TMEM161B: variants seen among roughly 807,000 people sequenced by gnomAD.
The protein encoded by TMEM161B is transmembrane protein 161B.
In TMEM161B, 34 loss-of-function variants were observed where a neutral mutation model predicts 61.8. The ratio of observed to expected loss-of-function variants is 0.55; its 90% CI spans 0.42 to 0.73. TMEM161B has a LOEUF of 0.73. TMEM161B is among the 30% of genes least tolerant of loss of function. TMEM161B has a pLI of 0.00. For synonymous variants in TMEM161B, 167 were observed against 192.8 expected, an observed-to-expected ratio of 0.87 and a Z score of 1.11; for missense variants, 456 against 558.5, an observed-to-expected ratio of 0.82 and a Z score of 1.85.
intron 2 of TMEM161B, among the ~76,000 whole-genome samples, chr5:88,235,881 T>C (rs1277676540): frequency 6.6e-6 from 1 of 152,230 alleles, no homozygotes; most frequent in African/African-American, 2.4e-5. Context: ...GTACACATTA[T>C]ATACACTTGT....
intron 1 of TMEM161B, among the ~76,000 whole-genome samples, chr5:88,254,236 G>C (rs1210724963): frequency 6.6e-6 from 1 of 152,152 alleles, no homozygotes; most frequent in Non-Finnish European, 1.5e-5. Flanking sequence ...AGGTCTCACA[G>C]TTTATATGAA....
chr5:88,250,977 T>A (rs1754268579), intron 1 of TMEM161B: 2 of 152,180 alleles, frequency 1.3e-5, no homozygotes, highest in African/African-American at 2.4e-5. Flanking sequence ...CAAGGCCAAC[T>A]ACATGGAAGA....
Position 88,195,168 on chromosome 5 carries a change from C to T in TMEM161B, c.*1043G>A, listed in dbSNP as rs1376554018. 3.0e-6 allele frequency: 3 copies of T among 985,170 alleles called. No homozygotes were observed. In the African/African-American group the frequency reaches 5.2e-5, roughly 17 times the overall value. 61.0% of individuals were successfully genotyped at this position (985,170 alleles called of 1,614,324 possible). A position where few individuals can be genotyped will look rare whatever the true frequency, so the allele number is the denominator to read the frequency against. On this transcript the variant is annotated 3_prime_UTR_variant, in exon 12 of 12. Coordinates refer to ENST00000296595, the MANE Select transcript of TMEM161B (RefSeq NM_153354.5). ...AAGCGTCCATAAAACTTTAAATACA[C>T]TCACACATAGGCAACACAAATAAAT...
At chr5:88,231,917 A>C (rs1474735919) in intron 2 of TMEM161B, among the ~76,000 whole-genome samples, 1 of 152,134 alleles carries the variant, frequency 6.6e-6, no homozygotes, top group East Asian at 1.9e-4. Context: ...TCATTGATTC[A>C]CTAACATTGA....
chr5:88,257,165 A>G (rs927299484), intron 1 of TMEM161B, among the ~76,000 whole-genome samples: 3 of 152,110 alleles, frequency 2.0e-5, no homozygotes, highest in African/African-American at 7.2e-5. Flanking sequence ...GCTACTTGGG[A>G]GGCTGAGGCA....
chr5:88,268,562 C>T (rs949397712), intron 1 of TMEM161B, among the ~76,000 whole-genome samples, 159 bp downstream of exon 1: 9 of 152,204 alleles, frequency 5.9e-5, no homozygotes, highest in Admixed American at 2.6e-4. Flanking sequence ...TCCTCAGGGG[C>T]TCAGACACCC....
intron 1 of TMEM161B, among the ~76,000 whole-genome samples, chr5:88,253,283 T>C (rs1378086594): frequency 6.6e-6 from 1 of 152,144 alleles, no homozygotes; most frequent in Non-Finnish European, 1.5e-5. Context: ...TCAAACACTT[T>C]AAGTGTTAAT....
chr5:88,224,276 T>C (rs1368023454), intron 4 of TMEM161B, among the ~76,000 whole-genome samples: 1 of 152,202 alleles, frequency 6.6e-6, no homozygotes, highest in Non-Finnish European at 1.5e-5. Context: ...TAAAACCTAC[T>C]CTAGATTTAC....
chr5:88,196,035 A>G lies in TMEM161B; in HGVS notation c.*176T>C, dbSNP rs1749564900. 11 of 1,389,400 alleles carry G rather than the reference A, an allele frequency of 7.9e-6. No individual in the cohort carries two copies. In the South Asian group the frequency reaches 1.9e-4, roughly 24 times the overall value. 86.1% of individuals were successfully genotyped at this position (1,389,400 alleles called of 1,614,324 possible). A position where few individuals can be genotyped will look rare whatever the true frequency, so the allele number is the denominator to read the frequency against. On this transcript the variant is annotated 3_prime_UTR_variant, in exon 12 of 12. Transcript: ENST00000296595. ...GTTAACAATCTATTTTGTAATTTTA[A>G]ATATTACTACATTAATTCACCCTGA...
intron 2 of TMEM161B, among the ~76,000 whole-genome samples, chr5:88,232,863 C>T (rs144579683): frequency 0.028 from 4,308 of 152,250 alleles, 171 homozygotes; most frequent in African/African-American, 0.097. Flanking sequence ...CGTGAGCCAC[C>T]GCGCCTGGCC....
intron 1 of TMEM161B, among the ~76,000 whole-genome samples, chr5:88,259,073 G>A (rs921853094): frequency 6.6e-6 from 1 of 152,112 alleles, no homozygotes; most frequent in Non-Finnish European, 1.5e-5. Context: ...TCTACTAGTA[G>A]AGAAAAATCT....
intron 1 of TMEM161B, among the ~76,000 whole-genome samples, chr5:88,268,046 A>G (rs1213499296): frequency 6.6e-6 from 1 of 151,980 alleles, no homozygotes; most frequent in Non-Finnish European, 1.5e-5. Context: ...CATCTTATTT[A>G]CCCCTACCAA....
Position 88,228,483 on chromosome 5 carries a change from A to T in TMEM161B, c.153T>A (p.Leu51=), listed in dbSNP as rs776964469. 1 of 1,608,832 alleles carries T rather than the reference A, an allele frequency of 6.2e-7. No homozygotes were observed. The highest frequency in any genetic ancestry group is 8.5e-7 in the Non-Finnish European group (1 of 1,178,384). The part of the protein sequence containing the change: ...QHPTEEELRI[L]AGKQQKGKTK... ...TTTTCCCTTTTTGTTGTTTCCCTGCAAGAATTCTTAATTCTTCTTCTGTAG... is the reference window on the plus strand; with the variant it reads ...TTTTCCCTTTTTGTTGTTTCCCTGCTAGAATTCTTAATTCTTCTTCTGTAG... The change falls in exon 3 of 12, where the codon CTT becomes CTA. Residue 51 remains leucine (L), a synonymous_variant. Transcript: ENST00000296595.
Position 88,243,090 on chromosome 5 carries a change from T to C in TMEM161B, c.4-2174A>G, listed in dbSNP as rs115240658. 3.0e-3 allele frequency among the ~76,000 whole-genome samples: 463 copies of C among 151,920 alleles called. 6 individuals carry two copies. The highest frequency in any genetic ancestry group is 0.011 in the African/African-American group (446 of 41,512). On this transcript the variant is annotated intron_variant, in intron 1 of 11. Coordinates refer to ENST00000296595, the MANE Select transcript of TMEM161B (RefSeq NM_153354.5). ...TAAACAGGACCATTTTACTTATTTA[T>C]TTAACTTTTATTTTAGGTTCAGGGA...
At chr5:88,211,611 A>G (rs573052244) in intron 5 of TMEM161B, among the ~76,000 whole-genome samples, 23 of 152,036 alleles carry the variant, frequency 1.5e-4, no homozygotes, top group African/African-American at 4.1e-4. Context: ...TATAAAAATT[A>G]GCCGGGCGTG....
At position 88,197,759 on chromosome 5, in the gene TMEM161B, G is replaced by C. The variant is rs1384744387; in HGVS notation, c.1096C>G (p.Arg366Gly). ...STVELQKMVA[R>G]VFYYLCVIAL... ...ATGACACAAAGATAATAAAAGACTC[G>C]AGCCACCTGCAACCAACAACATTCT... Residue 366 changes from arginine (R) to glycine (G), a missense_variant, in exon 11 of 12, where the codon CGA becomes GGA. Arg to Gly is a moderately radical substitution (Grantham distance 125). Around this residue, in one of 3 missense-constraint regions of TMEM161B, gnomAD observed 367 missense variants for 427.3 expected, o/e 0.86. Coordinates refer to ENST00000296595, the MANE Select transcript of TMEM161B (RefSeq NM_153354.5). The C allele has an allele frequency of 6.2e-7, 1 of 1,611,702 alleles. No individual in the cohort carries two copies. Among genetic ancestry groups the C allele is most frequent in the Non-Finnish European group, 8.5e-7 (1 of 1,178,698 alleles).
At chr5:88,252,052 T>C (rs944789160) in intron 1 of TMEM161B, among the ~76,000 whole-genome samples, 2 of 152,200 alleles carry the variant, frequency 1.3e-5, no homozygotes, top group African/African-American at 2.4e-5. Context: ...CATATTAAAA[T>C]AATATTTGAG....
At chr5:88,257,463 A>G (rs1755132204) in intron 1 of TMEM161B, among the ~76,000 whole-genome samples, 1 of 152,222 alleles carries the variant, frequency 6.6e-6, no homozygotes, top group African/African-American at 2.4e-5. Flanking sequence ...TTCATTGTGA[A>G]TATTTTTAAT....
intron 8 of TMEM161B, among the ~76,000 whole-genome samples, chr5:88,205,125 T>C (rs1745207098): frequency 6.6e-6 from 1 of 152,132 alleles, no homozygotes; most frequent in Non-Finnish European, 1.5e-5. Flanking sequence ...TCTGCCAAGA[T>C]GTCTACATCA....
Sources: allele counts gnomAD v4.1 joint callset (sites outside exome capture counted in the v4.1 genomes callset), GRCh38; gene constraint gnomAD v4.1.1; regional missense constraint gnomAD v4.1.1; transcripts MANE v1.5; gene names NCBI Gene and HGNC (gene_info 2026-07-23, HGNC 2026-07-21).